Variants in ADAMTS13 observed in about 807,000 individuals in gnomAD.
The protein encoded by ADAMTS13 is A disintegrin and metalloproteinase with thrombospondin motifs 13.
Under a neutral mutation model 155.1 loss-of-function variants are expected in ADAMTS13, and 110 were observed. The ratio of observed to expected loss-of-function variants is 0.71; its 90% CI spans 0.61 to 0.83. The LOEUF (loss-of-function observed/expected upper bound fraction) is 0.83. Ranked by LOEUF, ADAMTS13 falls within the 40% of genes least tolerant of loss-of-function variation. The probability of loss-of-function intolerance (pLI) is 0.00; values close to 1 mark genes in which losing one functional copy is unlikely to be tolerated. For synonymous variants in ADAMTS13, 758 were observed against 756.4 expected (o/e 1.00, Z -0.03); for missense variants, 1,707 against 1,891.7 (o/e 0.90, Z 1.81).
In ADAMTS13 at chr9:133,428,568, TCCCGCCCCCACC is replaced by T. The variant is rs1840441645; in HGVS notation, c.687-56_687-45del. On this transcript the variant is annotated intron_variant, in intron 6 of 28. Transcript: ENST00000355699. ...CGGGCCGCTGACTCGCCGACCCCCGTCCCGCCCCCACCCCCGCCCCCGCCCCTGCCGGCCGCC... is the reference window on the plus strand; with the variant it reads ...CGGGCCGCTGACTCGCCGACCCCCGTCCCGCCCCCGCCCCTGCCGGCCGCC... 6.4e-5 allele frequency: 8 copies of T among 125,392 alleles called. No homozygotes were observed. In the South Asian group the frequency reaches 1.2e-3, roughly 19 times the overall value. The allele number at this position is 125,392 out of a possible 1,614,324, so 7.8% of individuals were successfully genotyped here.
At position 133,426,041 on chromosome 9, in the gene ADAMTS13, A is replaced by G. The variant is rs1554785165; in HGVS notation, c.518A>G (p.Asp173Gly). The G allele has an allele frequency of 1.9e-6, 3 of 1,613,980 alleles. No individual in the cohort carries two copies. Among genetic ancestry groups the G allele is most frequent in the East Asian group, 2.2e-5 (1 of 44,876 alleles). The change falls in exon 5 of 29, where the codon GAC becomes GGC. Residue 173 changes from aspartate (D) to glycine (G), a missense_variant. Physicochemically the swap from Asp to Gly is moderately conservative, Grantham distance 94 (BLOSUM62 -1). This residue lies in a region of ADAMTS13 where 733 missense variants were observed against 749.6 expected (regional missense o/e 0.98). Coordinates refer to ENST00000355699, the MANE Select transcript of ADAMTS13 (RefSeq NM_139027.6). ...PEDDTDPGHA[D>G]LVLYITRFDL... is the part of the protein sequence containing the mutation. ...GACGACACGGATCCTGGCCATGCTGACCTGGTCCTCTATATCACTAGGTAG... is the reference window on the plus strand; with the variant it reads ...GACGACACGGATCCTGGCCATGCTGGCCTGGTCCTCTATATCACTAGGTAG...
Position 133,455,356 on chromosome 9 carries a change from T to A in ADAMTS13, c.3321T>A (p.Pro1107=), listed in dbSNP as rs981308132. Residue 1107 remains proline (P), a synonymous_variant, in exon 25 of 29, where the codon CCT becomes CCA. Transcript: ENST00000355699. ...GCCTCGGACCCCAGGCCCAGGCGCC[T>A]GTGCCAGCTGATTTCTGCCAGCACT... ...DTCLGPQAQA[P]VPADFCQHLP... 6.2e-7 allele frequency: 1 copy of A among 1,611,536 alleles called. No individual in the cohort carries two copies. Among genetic ancestry groups the A allele is most frequent in the Admixed American group, 1.7e-5 (1 of 60,028 alleles).
At chr9:133,419,173 G>A (rs141134156), upstream of ADAMTS13, among the ~76,000 whole-genome samples, 171 of 152,270 alleles carry the variant, frequency 1.1e-3, no homozygotes, top group Non-Finnish European at 2.0e-3. Flanking sequence ...GTGTGTAACA[G>A]GCAGAGGTTG....
upstream of ADAMTS13, chr9:133,422,165 G>A: frequency 5.5e-6 from 3 of 543,920 alleles, no homozygotes; most frequent in South Asian, 4.6e-5. Context: ...TAAGGGGGTG[G>A]GCGTGCACAT....
At chr9:133,449,999 G>A (rs781892145) in intron 23 of ADAMTS13, 34 bp downstream of exon 23, 12 of 1,563,782 alleles carry the variant, frequency 7.7e-6, no homozygotes, top group Non-Finnish European at 1.0e-5. Context: ...GGCAGCTCCT[G>A]GTGTGTGCAG....
exon 1 of ADAMTS13, chr9:133,414,548 C>T (rs782057048): frequency 7.7e-6 from 7 of 909,780 alleles, no homozygotes; most frequent in Middle Eastern, 3.0e-4. Context: ...AAGGAACAGA[C>T]GACATCAGGG....
In ADAMTS13 at chr9:133,424,065, G is replaced by A. The variant is rs1840117156; in HGVS notation, c.173-256G>A. On this transcript the variant is annotated intron_variant, in intron 2 of 28. Coordinates refer to ENST00000355699, the MANE Select transcript of ADAMTS13 (RefSeq NM_139027.6). The surrounding 1 kb of genome is among the most constrained non-coding windows in gnomAD (Gnocchi z 4.3). ...AGGCAGGGCAGGGGCTTTCCCCTTT[G>A]GGCAGAGCCACCAGGGCAGTGGGAA... is the stretch of plus-strand genomic sequence containing the variant. Among the ~76,000 whole-genome samples the A allele has an allele frequency of 6.6e-6, 1 of 152,228 alleles. No homozygotes were observed. The highest frequency in any genetic ancestry group is 6.5e-5 in the Admixed American group (1 of 15,286).
chr9:133,417,101 C>T (rs1012943508), upstream of ADAMTS13, among the ~76,000 whole-genome samples: 2 of 152,208 alleles, frequency 1.3e-5, no homozygotes, highest in African/African-American at 2.4e-5. Context: ...GCCTCTGCCT[C>T]CCGGGTTCAA....
intron 22 of ADAMTS13, among the ~76,000 whole-genome samples, chr9:133,449,060 G>A (rs782299471): frequency 6.6e-6 from 1 of 152,212 alleles, no homozygotes; most frequent in Non-Finnish European, 1.5e-5. Context: ...GTGGGAGCAG[G>A]TCATTTTGTG....
At chr9:133,438,470 C>G in intron 14 of ADAMTS13, 104 bp downstream of exon 14, 1 of 1,526,300 alleles carries the variant, frequency 6.6e-7, no homozygotes, top group Non-Finnish European at 8.9e-7. Context: ...AGGGCCTGCA[C>G]ACTCACTCAG....
intron 19 of ADAMTS13, among the ~76,000 whole-genome samples, chr9:133,444,179 GC>G (rs1841897622): frequency 6.6e-6 from 1 of 151,236 alleles, no homozygotes; most frequent in South Asian, 2.1e-4. Context: ...AGCTCTCCAG[GC>G]AGCCACTTTA....
At chr9:133,419,949 G>A (rs7044087), upstream of ADAMTS13, among the ~76,000 whole-genome samples, 3,413 of 151,282 alleles carry the variant, frequency 0.023, 106 homozygotes, top group African/African-American at 0.078. Flanking sequence ...TTGTCGCCCA[G>A]GCTGGAGTGC....
chr9:133,429,664 C>A (rs1234359178), intron 7 of ADAMTS13: 1 of 635,488 alleles, frequency 1.6e-6, no homozygotes, highest in Non-Finnish European at 2.9e-6. Context: ...CCGCACCGCT[C>A]CCGGGCCTAA....
chr9:133,435,062 C>T (rs933543623), intron 11 of ADAMTS13, among the ~76,000 whole-genome samples: 1 of 152,208 alleles, frequency 6.6e-6, no homozygotes, highest in Non-Finnish European at 1.5e-5. Flanking sequence ...CACCTTTTGG[C>T]TCCTGTGAAC....
Position 133,456,126 on chromosome 9 carries a change from G to A in ADAMTS13, c.3458G>A (p.Gly1153Glu), listed in dbSNP as rs1554795846. 8 of 1,613,286 alleles carry A rather than the reference G, an allele frequency of 5.0e-6. No individual in the cohort carries two copies. The highest frequency in any genetic ancestry group is 1.1e-5 in the South Asian group (1 of 91,096). The change falls in exon 26 of 29, where the codon GGG becomes GAG. Residue 1153 changes from glycine (G) to glutamate (E), a missense_variant. Gly to Glu is a moderately conservative substitution (Grantham distance 98, BLOSUM62 -2). Coordinates refer to ENST00000355699, the MANE Select transcript of ADAMTS13 (RefSeq NM_139027.6). This position sits in a 1 kb window ranked among gnomAD's most constrained non-coding sequence, Gnocchi z 4.4. ...PTGTIDMRGPGQADCAVAIGR... is the reference protein window; with the variant it reads ...PTGTIDMRGPEQADCAVAIGR... ...GGAACCATTGACATGCGAGGCCCAGGGCAGGCAGACTGTGCAGTGGCCATT... is the reference window on the plus strand; with the variant it reads ...GGAACCATTGACATGCGAGGCCCAGAGCAGGCAGACTGTGCAGTGGCCATT...
At position 133,423,153 on chromosome 9, in the gene ADAMTS13, G is replaced by A. The variant is rs1554784062; in HGVS notation, c.158G>A (p.Gly53Asp). The A allele has an allele frequency of 1.2e-6, 2 of 1,613,748 alleles. No individual in the cohort carries two copies. The highest frequency in any genetic ancestry group is 3.3e-5 in the Admixed American group (2 of 59,980). Residue 53 changes from glycine to aspartate, a missense_variant, in exon 2 of 29, where the codon GGT becomes GAT. Gly to Asp is a moderately conservative substitution (Grantham distance 94). This residue lies in a region of ADAMTS13 where 733 missense variants were observed against 749.6 expected (regional missense o/e 0.98). Transcript: ENST00000355699. ...PQAVSSYLSP[G>D]APLKGRPPSP... ...GCCGTGTCTTCTTACTTGAGCCCTGGTGCTCCCTTAAAAGGTACTTGTCCT... is the reference window on the plus strand; with the variant it reads ...GCCGTGTCTTCTTACTTGAGCCCTGATGCTCCCTTAAAAGGTACTTGTCCT...
At chr9:133,426,433 C>G in intron 6 of ADAMTS13, 88 bp downstream of exon 6, 1 of 1,542,916 alleles carries the variant, frequency 6.5e-7, no homozygotes, top group Non-Finnish European at 8.8e-7. Context: ...AGCAGTGGGT[C>G]CTTGTAGAGT....
rs587717693 is a variant in ADAMTS13, at chr9:133,444,652, G to A, written c.2421-211G>A. ...GTGGGGTGCCTGACTGTTGAGCAGC[G>A]AGTGCTTGTTGAATGGGAACCTGCT... On this transcript the variant is annotated intron_variant, in intron 19 of 28. Coordinates refer to ENST00000355699, the MANE Select transcript of ADAMTS13 (RefSeq NM_139027.6). 9.2e-4 allele frequency among the ~76,000 whole-genome samples: 140 copies of A among 152,272 alleles called. 1 individual carries two copies. The highest frequency in any genetic ancestry group is 4.3e-3 in the East Asian group (22 of 5,174).
intron 11 of ADAMTS13, among the ~76,000 whole-genome samples, chr9:133,435,763 A>G (rs1225742965): frequency 6.7e-6 from 1 of 150,048 alleles, no homozygotes; most frequent in Non-Finnish European, 1.5e-5. Flanking sequence ...TGATCTCCTG[A>G]CCTCGTGATC....
Sources: allele counts gnomAD v4.1 joint callset (sites outside exome capture counted in the v4.1 genomes callset), GRCh38; gene constraint gnomAD v4.1.1; regional missense constraint gnomAD v4.1.1; non-coding constraint Gnocchi (gnomAD v3.1); transcripts MANE v1.5; gene names NCBI Gene and HGNC (gene_info 2026-07-23, HGNC 2026-07-21).